ROR1: variants seen among roughly 807,000 people sequenced by gnomAD.
The protein encoded by ROR1 is ROR family WNT receptor 1.
In ROR1, 19 loss-of-function variants were observed where a neutral mutation model predicts 78.8. The observed-to-expected ratio is 0.24, with a 90% CI of 0.17 to 0.35. ROR1 has a LOEUF of 0.35. Among genes scored for constraint, ROR1 ranks in the 10% least tolerant of loss-of-function variants. The pLI, the probability that ROR1 is intolerant of heterozygous loss-of-function variation, is 1.00. For missense variants in ROR1, 917 were observed against 1,177.8 expected, an observed-to-expected ratio of 0.78 and a Z score of 3.24; for synonymous variants, 386 against 433.6, an observed-to-expected ratio of 0.89 and a Z score of 1.36.
At chr1:64,157,133 A>G (rs937489094) in intron 7 of ROR1, among the ~76,000 whole-genome samples, 4 of 152,078 alleles carry the variant, frequency 2.6e-5, no homozygotes, top group African/African-American at 9.7e-5. Context: ...AAATATTAAA[A>G]TTGCGTTTTG....
At chr1:64,019,331 A>G (rs1246823442) in intron 2 of ROR1, among the ~76,000 whole-genome samples, 2 of 152,198 alleles carry the variant, frequency 1.3e-5, no homozygotes, top group Non-Finnish European at 2.9e-5. Context: ...CTTGGTTTAT[A>G]TTTAAGCTCT....
intron 4 of ROR1, chr1:64,105,595 C>G (rs569003628): frequency 6.6e-6 from 1 of 152,278 alleles, no homozygotes; most frequent in African/African-American, 2.4e-5. Context: ...TGGGGCTTTA[C>G]ATTTAAGTCT....
chr1:63,851,419 C>G (rs1321866301), intron 1 of ROR1, among the ~76,000 whole-genome samples: 1 of 152,158 alleles, frequency 6.6e-6, no homozygotes, highest in Non-Finnish European at 1.5e-5. Context: ...TTAAAAATCA[C>G]TGATACTTAA....
At chr1:64,032,337 T>C (rs1397277132) in intron 2 of ROR1, among the ~76,000 whole-genome samples, 1 of 66,250 alleles carries the variant, frequency 1.5e-5, no homozygotes, top group East Asian at 4.5e-4. Flanking sequence ...TGAGACTCCG[T>C]CTCAAAAAAA....
chr1:64,007,670 ACT>A (rs758666151), intron 1 of ROR1, among the ~76,000 whole-genome samples: 18 of 152,166 alleles, frequency 1.2e-4, no homozygotes, highest in Non-Finnish European at 1.9e-4. Flanking sequence ...ACCACAAATG[ACT>A]CTCTATATTC....
chr1:64,160,717 AC>A (rs1649913243), intron 8 of ROR1, among the ~76,000 whole-genome samples: 1 of 152,242 alleles, frequency 6.6e-6, no homozygotes, highest in Non-Finnish European at 1.5e-5. Flanking sequence ...CCTGGCAGAT[AC>A]TTTTACCTAG....
intron 1 of ROR1, among the ~76,000 whole-genome samples, chr1:63,835,135 G>T (rs1040258845): frequency 2.6e-5 from 4 of 152,066 alleles, no homozygotes; most frequent in African/African-American, 9.7e-5. Flanking sequence ...AAAAGCACAG[G>T]TTCCAGAAGC....
At chr1:64,132,312 C>T (rs1214409782) in intron 4 of ROR1, among the ~76,000 whole-genome samples, 1 of 152,132 alleles carries the variant, frequency 6.6e-6, no homozygotes, top group African/African-American at 2.4e-5. Context: ...TGTTGATGAA[C>T]ACCTGAGTTG....
At chr1:63,903,403 G>A (rs983820660) in intron 1 of ROR1, among the ~76,000 whole-genome samples, 3 of 151,122 alleles carry the variant, frequency 2.0e-5, no homozygotes, top group Non-Finnish European at 4.4e-5. Flanking sequence ...ATATAGTTGG[G>A]TTCATTTATT....
chr1:63,997,130 G>T (rs775242400), intron 1 of ROR1, among the ~76,000 whole-genome samples: 9 of 152,146 alleles, frequency 5.9e-5, no homozygotes, highest in Non-Finnish European at 1.2e-4. Flanking sequence ...GCTTTAAGTG[G>T]CTGAGAATCA....
chr1:63,991,054 G>A (rs1373927599), intron 1 of ROR1, among the ~76,000 whole-genome samples: 1 of 152,072 alleles, frequency 6.6e-6, no homozygotes, highest in East Asian at 1.9e-4. Flanking sequence ...GAATAGCTTG[G>A]ACCACAGGTG....
intron 4 of ROR1, among the ~76,000 whole-genome samples, chr1:64,132,883 C>T (rs1648972900): frequency 6.6e-6 from 1 of 151,808 alleles, no homozygotes; most frequent in Non-Finnish European, 1.5e-5. Context: ...CTGCCCATGC[C>T]CTGTATATTC....
At chr1:64,157,404 G>A (rs1649805258) in intron 7 of ROR1, among the ~76,000 whole-genome samples, 2 of 152,040 alleles carry the variant, frequency 1.3e-5, no homozygotes, top group South Asian at 2.1e-4. Flanking sequence ...CTCCCAAAGT[G>A]CTGGGATTAC....
At chr1:64,161,650 T>G (rs1216827797) in intron 8 of ROR1, among the ~76,000 whole-genome samples, 1 of 152,244 alleles carries the variant, frequency 6.6e-6, no homozygotes, top group Non-Finnish European at 1.5e-5. Context: ...TTTCATAGTT[T>G]CTGGATCATT....
At chr1:63,879,251 A>G (rs1024034910) in intron 1 of ROR1, among the ~76,000 whole-genome samples, 3 of 152,182 alleles carry the variant, frequency 2.0e-5, no homozygotes, top group African/African-American at 7.2e-5. Flanking sequence ...CCTGGCACTA[A>G]ATTTGACCTG....
chr1:64,050,646 T>C, intron 3 of ROR1, 40 bp from the exon 4 acceptor site: 1 of 1,603,964 alleles, frequency 6.2e-7, no homozygotes, highest in Non-Finnish European at 8.5e-7. Context: ...TCCAATAACC[T>C]AGACTGACTG....
chr1:63,807,702 G>A (rs896114678), intron 1 of ROR1, among the ~76,000 whole-genome samples: 6 of 152,154 alleles, frequency 3.9e-5, no homozygotes, highest in Non-Finnish European at 8.8e-5. Context: ...GATGCCCTAC[G>A]CATGGTTGTT....
intron 1 of ROR1, among the ~76,000 whole-genome samples, chr1:63,804,290 C>T (rs1324581120): frequency 6.6e-6 from 1 of 152,104 alleles, no homozygotes; most frequent in Admixed American, 6.5e-5. Context: ...CACATGAGTG[C>T]ATGTCAAACT....
chr1:64,051,309 G>A (rs1646826368), intron 4 of ROR1, among the ~76,000 whole-genome samples: 1 of 151,756 alleles, frequency 6.6e-6, no homozygotes, highest in South Asian at 2.1e-4. Context: ...AATTAGCCGT[G>A]CGTCGTGGTG....
Sources: allele counts gnomAD v4.1 joint callset (sites outside exome capture counted in the v4.1 genomes callset), GRCh38; gene constraint gnomAD v4.1.1; transcripts MANE v1.5; gene names NCBI Gene and HGNC (gene_info 2026-07-23, HGNC 2026-07-21).